Variants in DEPTOR observed in about 807,000 individuals in gnomAD.
DEPTOR encodes the protein DEP domain-containing mTOR-interacting protein.
DEPTOR carries 41 observed loss-of-function variants against 41.6 expected under a neutral mutation model. That is an observed-to-expected ratio of 0.98 (90% CI 0.77 to 1.28). The LOEUF (loss-of-function observed/expected upper bound fraction) is 1.28, where lower values mean the gene tolerates loss of function less well. Among genes scored for constraint, DEPTOR ranks in the 50% most tolerant of loss-of-function variants. DEPTOR has a pLI of 0.00. For missense variants in DEPTOR, 514 were observed against 527.9 expected (o/e 0.97, Z 0.26); for synonymous variants, 195 against 192.3 (o/e 1.01, Z -0.12).
intron 4 of DEPTOR, among the ~76,000 whole-genome samples, chr8:119,993,932 A>G (rs1292445122): frequency 6.6e-6 from 1 of 151,946 alleles, no homozygotes; most frequent in African/African-American, 2.4e-5. Flanking sequence ...TGAGGCAGGT[A>G]GATTACCTGA....
chr8:119,939,345 C>G (rs1281910947), intron 3 of DEPTOR, among the ~76,000 whole-genome samples: 2 of 152,186 alleles, frequency 1.3e-5, no homozygotes, highest in Non-Finnish European at 2.9e-5. Context: ...GGTAGCTGAG[C>G]TCAGTCCTCT....
chr8:119,930,954 GTAATCCTA>G (rs1255309746), intron 3 of DEPTOR, among the ~76,000 whole-genome samples: 1 of 152,146 alleles, frequency 6.6e-6, no homozygotes, highest in Non-Finnish European at 1.5e-5. Context: ...GCTTATGCCT[GTAATCCTA>G]GCACTTTGGG....
chr8:119,970,807 T>C, intron 4 of DEPTOR, among the ~76,000 whole-genome samples: 1 of 152,120 alleles, frequency 6.6e-6, no homozygotes, highest in Non-Finnish European at 1.5e-5. Flanking sequence ...CAGGCACAGT[T>C]TCCTATGTTC....
intron 1 of DEPTOR, among the ~76,000 whole-genome samples, chr8:119,923,638 A>G (rs1827926095): frequency 6.6e-6 from 1 of 152,086 alleles, no homozygotes; most frequent in African/African-American, 2.4e-5. Flanking sequence ...ACAGTTTATA[A>G]TTTGCTTGAT....
rs760559289 is a variant in DEPTOR, at chr8:119,929,894, T to A, written c.381T>A (p.Asp127Glu). Residue 127 changes from aspartate to glutamate, a missense_variant, in exon 3 of 9, where the codon GAT becomes GAA. By Grantham distance (45) the Asp-to-Glu change is conservative (BLOSUM62 2). Transcript: ENST00000286234. The part of the protein sequence containing the change: ...FRKDDGTFPL[D>E]NEVKAFMRGQ... ...AGGATGACGGCACCTTCCCATTGGA[T>A]AATGAAGTGAAGGCCTTTATGAGAG... 9 of 1,613,910 alleles carry A rather than the reference T, an allele frequency of 5.6e-6. No individual in the cohort carries two copies. Among genetic ancestry groups the A allele is most frequent in the Non-Finnish European group, 7.6e-6 (9 of 1,179,864 alleles).
intron 1 of DEPTOR, among the ~76,000 whole-genome samples, chr8:119,905,871 C>G (rs12545863): frequency 0.5 from 75,741 of 151,948 alleles, 20,596 homozygotes; most frequent in East Asian, 0.92. Context: ...TCGAACTCCT[C>G]ACCTCAAATG....
intron 1 of DEPTOR, among the ~76,000 whole-genome samples, chr8:119,875,588 T>C (rs928224078): frequency 1.3e-5 from 2 of 152,018 alleles, no homozygotes; most frequent in African/African-American, 4.8e-5. Context: ...TTGGCTGAAG[T>C]AATGAGGGCT....
intron 4 of DEPTOR, among the ~76,000 whole-genome samples, chr8:119,989,179 T>C (rs968023939): frequency 9.9e-5 from 15 of 152,058 alleles, no homozygotes; most frequent in Admixed American, 2.0e-4. Flanking sequence ...TTATTTTAAA[T>C]AAATAGAGAC....
chr8:120,018,999 A>G (rs1812655341), intron 8 of DEPTOR, among the ~76,000 whole-genome samples: 2 of 152,172 alleles, frequency 1.3e-5, no homozygotes. Flanking sequence ...AGGAAGAAGG[A>G]CATTTTTTAA....
At chr8:119,950,107 TC>T (rs1828333578) in intron 3 of DEPTOR, among the ~76,000 whole-genome samples, 1 of 152,218 alleles carries the variant, frequency 6.6e-6, no homozygotes, top group African/African-American at 2.4e-5. Context: ...TATCTAACTG[TC>T]CCTGCACCAT....
At chr8:119,891,666 A>G (rs935396714) in intron 1 of DEPTOR, among the ~76,000 whole-genome samples, 1 of 152,168 alleles carries the variant, frequency 6.6e-6, no homozygotes, top group Non-Finnish European at 1.5e-5. Flanking sequence ...GCTCAGTAAT[A>G]AAGTAAAATA....
chr8:120,016,198 T>C (rs1812608966), intron 8 of DEPTOR, among the ~76,000 whole-genome samples: 1 of 152,158 alleles, frequency 6.6e-6, no homozygotes, highest in South Asian at 2.1e-4. Flanking sequence ...GGCACTAATC[T>C]CATTCATTTG....
In DEPTOR at chr8:120,014,613, C is replaced by T. The variant is rs141490278; in HGVS notation, c.1101+5480C>T. 3.5e-3 allele frequency among the ~76,000 whole-genome samples: 528 copies of T among 152,024 alleles called. 1 individual carries two copies. The highest frequency in any genetic ancestry group is 0.012 in the African/African-American group (486 of 41,452). ...TACAATCTTGGCTCACTGCAACCTC[C>T]GCCTCCCGGGTTCAAGCGATTCTTC... is the stretch of plus-strand genomic sequence containing the variant. On this transcript the variant is annotated intron_variant, in intron 8 of 8. Transcript: ENST00000286234.
At chr8:119,945,843 CACAG>C (rs1409537954) in intron 3 of DEPTOR, among the ~76,000 whole-genome samples, 1 of 152,114 alleles carries the variant, frequency 6.6e-6, no homozygotes, top group African/African-American at 2.4e-5. Context: ...CGTTCTAAGA[CACAG>C]ACAGAGCAGC....
chr8:119,877,736 C>A (rs960973829), intron 1 of DEPTOR, among the ~76,000 whole-genome samples: 1 of 152,196 alleles, frequency 6.6e-6, no homozygotes, highest in Non-Finnish European at 1.5e-5. Flanking sequence ...CCTCTCTAGT[C>A]CTAAGCATCC....
At chr8:119,983,236 TTTTTTCTTTC>T (rs1332377643) in intron 4 of DEPTOR, among the ~76,000 whole-genome samples, 1 of 152,076 alleles carries the variant, frequency 6.6e-6, no homozygotes. Flanking sequence ...AGCTTTTCTT[TTTTTTCTTTC>T]TTTTTCTTTT....
chr8:119,883,275 C>A (rs1056517023), intron 1 of DEPTOR, among the ~76,000 whole-genome samples: 1 of 151,652 alleles, frequency 6.6e-6, no homozygotes, highest in African/African-American at 2.4e-5. Flanking sequence ...GAGATCAAGA[C>A]CATCCTGGCT....
At chr8:119,894,344 C>T (rs1267698170) in intron 1 of DEPTOR, among the ~76,000 whole-genome samples, 1 of 151,844 alleles carries the variant, frequency 6.6e-6, no homozygotes, top group Non-Finnish European at 1.5e-5. Flanking sequence ...GGGATTATGT[C>T]TTTGGTGTGA....
chr8:120,033,527 C>A (rs1305042827), intron 8 of DEPTOR, among the ~76,000 whole-genome samples: 4 of 152,162 alleles, frequency 2.6e-5, no homozygotes, highest in Non-Finnish European at 5.9e-5. Context: ...TATCACAGCA[C>A]CCTTCAAATG....
Sources: gnomAD v4.1 joint callset for allele counts (sites outside exome capture counted in the v4.1 genomes callset) on GRCh38, gnomAD v4.1.1 for gene constraint, MANE v1.5 for transcripts, NCBI Gene and HGNC (gene_info 2026-07-23, HGNC 2026-07-21) for gene names.